ZNF354B: variants seen among roughly 807,000 people sequenced by gnomAD.
The protein encoded by ZNF354B is zinc finger protein 354B.
ZNF354B carries 10 observed loss-of-function variants against 12.9 expected under a neutral mutation model. The observed-to-expected ratio is 0.77, with a 90% confidence interval of 0.48 to 1.31. ZNF354B has a LOEUF of 1.31. ZNF354B is among the 40% of genes most tolerant of loss of function. The pLI is 0.00. For missense variants in ZNF354B, 614 were observed against 711.7 expected (o/e 0.86, Z 1.56); for synonymous variants, 260 against 243.7 (o/e 1.07, Z -0.62).
intron 4 of ZNF354B, among the ~76,000 whole-genome samples, chr5:178,876,493 A>G (rs974696410): frequency 1.3e-5 from 2 of 152,172 alleles, no homozygotes; most frequent in African/African-American, 4.8e-5. Flanking sequence ...GGCTGGTGTG[A>G]CCATGCGAGG....
intron 1 of ZNF354B, among the ~76,000 whole-genome samples, chr5:178,860,395 C>T (rs1304944918): frequency 1.4e-5 from 2 of 145,474 alleles, no homozygotes; most frequent in African/African-American, 2.5e-5. Flanking sequence ...GTGGGCCTCG[C>T]GGACTCGGGG....
In ZNF354B at chr5:178,883,158, C is replaced by T. The variant is rs1189227531; in HGVS notation, c.706C>T (p.His236Tyr). ...NSSLRKHQKN[H>Y]TGEKLFKCKE... The stretch of plus-strand genomic sequence containing the variant: ...ATCCCTTCGTAAACATCAGAAAAAC[C>T]ACACTGGAGAAAAATTATTTAAATG... The change falls in exon 5 of 5, where the codon CAC becomes TAC. Residue 236 changes from histidine (H) to tyrosine (Y), a missense_variant. His to Tyr is a moderately conservative substitution (Grantham distance 83, BLOSUM62 2). Coordinates refer to ENST00000322434, the MANE Select transcript of ZNF354B (RefSeq NM_058230.3). 6.2e-7 allele frequency: 1 copy of T among 1,613,284 alleles called. No homozygotes were observed. Among genetic ancestry groups the T allele is most frequent in the Non-Finnish European group, 8.5e-7 (1 of 1,179,848 alleles).
rs1757644138 is a variant in ZNF354B, at chr5:178,876,792, T to G, written c.257-5917T>G. ...TTTGTTCATTATTTTCATGAGTCAT[T>G]CATATTTCCCTCTAGCTCTGAGCAT... is the stretch of plus-strand genomic sequence containing the variant. On this transcript the variant is annotated intron_variant, in intron 4 of 4. Transcript: ENST00000322434. Among the ~76,000 whole-genome samples, 10 of 152,308 alleles carry G rather than the reference T, an allele frequency of 6.6e-5. No individual in the cohort carries two copies. In the South Asian group the frequency reaches 2.1e-3, roughly 32 times the overall value.
chr5:178,868,552 C>G (rs2114012594), intron 4 of ZNF354B, among the ~76,000 whole-genome samples: 1 of 152,022 alleles, frequency 6.6e-6, no homozygotes, highest in African/African-American at 2.4e-5. Context: ...AGGACACATT[C>G]CAGTGAGGAC....
At chr5:178,866,403 A>C (rs748982136) in intron 3 of ZNF354B, 33 bp downstream of exon 3, 43 of 1,594,800 alleles carry the variant, frequency 2.7e-5, no homozygotes, top group Non-Finnish European at 3.7e-5. Context: ...AACAGAATTC[A>C]AAAATTGGGA....
chr5:178,862,005 T>TA (rs1355297395), intron 2 of ZNF354B, among the ~76,000 whole-genome samples: 1 of 152,104 alleles, frequency 6.6e-6, no homozygotes, highest in African/African-American at 2.4e-5. Flanking sequence ...CTTAATATAT[T>TA]AATGTTAATG....
chr5:178,882,913 T>TAGA lies in ZNF354B; in HGVS notation c.462_464dup (p.Val154_Asp155insGlu), dbSNP rs766422148. 5.3e-5 allele frequency: 85 copies of TAGA among 1,600,062 alleles called. No homozygotes were observed. In the Admixed American group the frequency reaches 1.5e-3, roughly 28 times the overall value. ...GTTGCCCATACAAAAATCCTTACTG[T>TAGA]AGATAGAAGCCATAAAAATGTTGAA... On this transcript the variant is annotated inframe_insertion, in exon 5 of 5. Transcript: ENST00000322434.
chr5:178,867,089 G>A lies in ZNF354B; in HGVS notation c.256+18G>A. 1 of 1,606,930 alleles carries A rather than the reference G, an allele frequency of 6.2e-7. No individual in the cohort carries two copies. The highest frequency in any genetic ancestry group is 8.5e-7 in the Non-Finnish European group (1 of 1,174,986). On this transcript the variant is annotated intron_variant, in intron 4 of 4. Transcript: ENST00000322434. ...CTCTCTAGGTAAGTGGGTGGCCCGA[G>A]GTGCTCGGGAATGGCCGCAGACAAT...
At chr5:178,868,927 G>A (rs1427086435) in intron 4 of ZNF354B, among the ~76,000 whole-genome samples, 2 of 150,554 alleles carry the variant, frequency 1.3e-5, no homozygotes, top group African/African-American at 2.5e-5. Flanking sequence ...AGCCGAGATC[G>A]CGCCACTGCA....
At chr5:178,872,214 G>A (rs907084110) in intron 4 of ZNF354B, among the ~76,000 whole-genome samples, 1 of 151,654 alleles carries the variant, frequency 6.6e-6, no homozygotes, top group Non-Finnish European at 1.5e-5. Flanking sequence ...TTTCAAGAAT[G>A]TCATATACAT....
intron 4 of ZNF354B, among the ~76,000 whole-genome samples, chr5:178,878,743 C>T (rs1202627025): frequency 6.6e-6 from 1 of 152,068 alleles, no homozygotes; most frequent in Admixed American, 6.6e-5. Context: ...GCTCTTGTTA[C>T]CCAGGCTGGA....
Position 178,883,304 on chromosome 5 carries a change from C to A in ZNF354B, c.852C>A (p.Ser284=), listed in dbSNP as rs776196763. 6.2e-6 allele frequency: 10 copies of A among 1,611,112 alleles called. No individual in the cohort carries two copies. In the African/African-American group the frequency reaches 1.1e-4, roughly 17 times the overall value. ...GGAAAGCCTTCAGCCATAGTGCATC[C>A]CTTTGTAAGCATTTAAGGACCCATA... The part of the protein sequence containing the change: ...ECGKAFSHSA[S]LCKHLRTHTV... Residue 284 remains serine (S), a synonymous_variant, in exon 5 of 5, where the codon TCC becomes TCA. Transcript: ENST00000322434.
Position 178,882,855 on chromosome 5 carries a change from C to T in ZNF354B, c.403C>T (p.Gln135Ter). 6.2e-7 allele frequency: 1 copy of T among 1,606,728 alleles called. No individual in the cohort carries two copies. The highest frequency in any genetic ancestry group is 8.5e-7 in the Non-Finnish European group (1 of 1,178,328). Residue 135 changes from glutamine (Q) to a stop codon, truncating the protein, a stop_gained, in exon 5 of 5, where the codon CAG becomes TAG. Transcript: ENST00000322434. LOFTEE classifies it low-confidence loss of function (END_TRUNC). ...CIYEEKLKKQ[Q>*]DKNENLQIIS... Reference sequence around the variant, plus strand: ...ATATGAAGAGAAATTAAAGAAACAGCAGGACAAAAATGAAAATTTACAAAT... The same window carrying T: ...ATATGAAGAGAAATTAAAGAAACAGTAGGACAAAAATGAAAATTTACAAAT...
At chr5:178,876,927 CTTT>C (rs71589405) in intron 4 of ZNF354B, among the ~76,000 whole-genome samples, 2 of 141,414 alleles carry the variant, frequency 1.4e-5, no homozygotes, top group African/African-American at 2.6e-5. Context: ...TTTTTTATGC[CTTT>C]TTTTTTTTTT....
intron 4 of ZNF354B, among the ~76,000 whole-genome samples, chr5:178,879,829 T>C (rs1375948785): frequency 6.6e-6 from 1 of 152,174 alleles, no homozygotes; most frequent in Admixed American, 6.5e-5. Context: ...CGAGTATATA[T>C]AAAAGTAGAG....
At chr5:178,862,484 A>G (rs1291681889) in intron 2 of ZNF354B, among the ~76,000 whole-genome samples, 1 of 147,996 alleles carries the variant, frequency 6.8e-6, no homozygotes, top group African/African-American at 2.5e-5. Context: ...CCCCTGCCTC[A>G]GCCTCCTGAG....
In ZNF354B at chr5:178,883,800, C is replaced by T. The variant is rs750158810; in HGVS notation, c.1348C>T (p.His450Tyr). The change falls in exon 5 of 5, where the codon CAC becomes TAC. Residue 450 changes from histidine (H) to tyrosine (Y), a missense_variant. His to Tyr is a moderately conservative substitution (Grantham distance 83). Coordinates refer to ENST00000322434, the MANE Select transcript of ZNF354B (RefSeq NM_058230.3). Reference sequence around the variant, plus strand: ...TGAATGTGGTAAAGCCTTAAGCTCCCACTCAACACTTATTATTCATGAGCG... The same window carrying T: ...TGAATGTGGTAAAGCCTTAAGCTCCTACTCAACACTTATTATTCATGAGCG... ...CNECGKALSS[H>Y]STLIIHERIH... 2 of 1,613,934 alleles carry T rather than the reference C, an allele frequency of 1.2e-6. No homozygotes were observed. Among genetic ancestry groups the T allele is most frequent in the South Asian group, 1.1e-5 (1 of 91,074 alleles).
chr5:178,882,885 T>C lies in ZNF354B; in HGVS notation c.433T>C (p.Ser145Pro), dbSNP rs773249579. 4.4e-6 allele frequency: 7 copies of C among 1,599,956 alleles called. No homozygotes were observed. The Admixed American group carries it at 1.2e-4, about 29-fold the overall frequency. Residue 145 changes from serine (S) to proline (P), a missense_variant, in exon 5 of 5, where the codon TCA (serine) becomes CCA (proline). By Grantham distance (74) the Ser-to-Pro change is moderately conservative (BLOSUM62 -1). Coordinates refer to ENST00000322434, the MANE Select transcript of ZNF354B (RefSeq NM_058230.3). ...CAAAAATGAAAATTTACAAATAATTTCAGTTGCCCATACAAAAATCCTTAC... is the reference window on the plus strand; with the variant it reads ...CAAAAATGAAAATTTACAAATAATTCCAGTTGCCCATACAAAAATCCTTAC... ...QDKNENLQII[S>P]VAHTKILTVD...
In ZNF354B at chr5:178,883,429, A is replaced by G. The variant is rs746508077; in HGVS notation, c.977A>G (p.His326Arg). The G allele has an allele frequency of 2.0e-5, 32 of 1,613,972 alleles. No individual in the cohort carries two copies. The highest frequency in any genetic ancestry group is 2.0e-4 in the South Asian group (18 of 91,078). Residue 326 changes from histidine to arginine, a missense_variant, in exon 5 of 5, where the codon CAT (histidine) becomes CGT (arginine). Physicochemically the swap from His to Arg is conservative, Grantham distance 29. Coordinates refer to ENST00000322434, the MANE Select transcript of ZNF354B (RefSeq NM_058230.3). Reference protein sequence around the residue: ...HQKIHAQENPHKYNPGRKASS... With the variant: ...HQKIHAQENPRKYNPGRKASS... Reference sequence around the variant, plus strand: ...AAAATCCATGCTCAAGAAAATCCCCATAAATACAATCCAGGCAGGAAGGCA... The same window carrying G: ...AAAATCCATGCTCAAGAAAATCCCCGTAAATACAATCCAGGCAGGAAGGCA...
Sources: gnomAD v4.1 joint callset for allele counts (sites outside exome capture counted in the v4.1 genomes callset) on GRCh38, gnomAD v4.1.1 for gene constraint, MANE v1.5 for transcripts, NCBI Gene and HGNC (gene_info 2026-07-23, HGNC 2026-07-21) for gene names.